The following ADARB2 variants were observed in gnomAD, a reference collection of about 807,000 sequenced individuals.
ADARB2 encodes inactive double-stranded RNA-specific editase B2.
A neutral mutation model predicts 62.2 loss-of-function variants in ADARB2; 25 were observed. The observed-to-expected ratio is 0.40, with a 90% CI of 0.29 to 0.56. The LOEUF (loss-of-function observed/expected upper bound fraction) is 0.56, where lower values mean the gene tolerates loss of function less well. ADARB2 is among the 20% of genes least tolerant of loss of function. The pLI, the probability that ADARB2 is intolerant of heterozygous loss-of-function variation, is 0.43. For missense variants in ADARB2, 1,071 were observed against 1,077.4 expected, an observed-to-expected ratio of 0.99 and a Z score of 0.08; for synonymous variants, 572 against 500.8, an observed-to-expected ratio of 1.14 and a Z score of -1.90.
intron 1 of ADARB2, among the ~76,000 whole-genome samples, chr10:1,488,224 AG>A (rs201665494): frequency 3.7e-5 from 5 of 135,288 alleles, no homozygotes; most frequent in Admixed American, 7.1e-5. Flanking sequence ...GATTTGGCAA[AG>A]AAAAAAAAAA....
chr10:1,220,207 GTGGTGATGA>G lies in ADARB2; in HGVS notation c.1514-3097_1514-3089del, dbSNP rs1830678320. 2.0e-5 allele frequency among the ~76,000 whole-genome samples: 3 copies of G among 147,210 alleles called. No individual in the cohort carries two copies. The South Asian group carries it at 6.7e-4, about 33-fold the overall frequency. ...GGTGGTGATGATGATGATGGTAATG[GTGGTGATGA>G]TGGTGATGGTGATGATGGTGGTGAT... On this transcript the variant is annotated intron_variant, in intron 6 of 9. Transcript: ENST00000381312.
chr10:1,403,826 C>T (rs909576829), intron 1 of ADARB2, among the ~76,000 whole-genome samples: 1 of 152,238 alleles, frequency 6.6e-6, no homozygotes, highest in African/African-American at 2.4e-5. Context: ...TGCTTTCATT[C>T]ATCATTGTAG....
chr10:1,487,878 A>C (rs534462463), intron 1 of ADARB2, among the ~76,000 whole-genome samples: 1 of 151,922 alleles, frequency 6.6e-6, no homozygotes, highest in Admixed American at 6.6e-5. Context: ...AGAGCTTGGC[A>C]TGATTCCACA....
chr10:1,736,624 G>T (rs992792100), intron 1 of ADARB2, among the ~76,000 whole-genome samples: 7 of 152,240 alleles, frequency 4.6e-5, no homozygotes, highest in African/African-American at 7.2e-5. Context: ...CTTCCTCCGG[G>T]ACAGTTTGGA....
intron 1 of ADARB2, among the ~76,000 whole-genome samples, chr10:1,632,911 A>G (rs1400633702): frequency 6.6e-6 from 1 of 152,182 alleles, no homozygotes; most frequent in African/African-American, 2.4e-5. Context: ...AGAGACCAGC[A>G]TTTGAAATGG....
chr10:1,469,005 C>T (rs1475073835), intron 1 of ADARB2, among the ~76,000 whole-genome samples: 1 of 152,218 alleles, frequency 6.6e-6, no homozygotes, highest in African/African-American at 2.4e-5. Context: ...CCCCTGATTG[C>T]TACCACGTGT....
chr10:1,313,160 C>T (rs550349168), intron 3 of ADARB2, among the ~76,000 whole-genome samples: 1 of 152,104 alleles, frequency 6.6e-6, no homozygotes, highest in East Asian at 1.9e-4. Flanking sequence ...CAGGTGAGTC[C>T]AGGGTCTCAG....
intron 1 of ADARB2, among the ~76,000 whole-genome samples, chr10:1,609,549 G>C (rs981489427): frequency 6.6e-6 from 1 of 152,218 alleles, no homozygotes; most frequent in African/African-American, 2.4e-5. Context: ...AGAAACCTTC[G>C]GTCCTAAGCC....
intron 7 of ADARB2, chr10:1,215,989 C>CG (rs1332059849): frequency 1.3e-5 from 2 of 150,152 alleles, no homozygotes; most frequent in Non-Finnish European, 3.0e-5. Context: ...ATCAGAGCAA[C>CG]GTGGGGGAGG....
At chr10:1,732,554 G>A (rs187052677) in intron 1 of ADARB2, among the ~76,000 whole-genome samples, 1 of 152,236 alleles carries the variant, frequency 6.6e-6, no homozygotes, top group Non-Finnish European at 1.5e-5. Flanking sequence ...AGAGAAAGGG[G>A]GAAAAAAAGC....
intron 4 of ADARB2, among the ~76,000 whole-genome samples, chr10:1,248,604 G>A (rs1831009235): frequency 6.6e-6 from 1 of 152,230 alleles, no homozygotes; most frequent in African/African-American, 2.4e-5. Flanking sequence ...GCCCAGGATG[G>A]GGCGGCTGTG....
At chr10:1,410,945 C>T (rs1157777803) in intron 1 of ADARB2, among the ~76,000 whole-genome samples, 1 of 152,240 alleles carries the variant, frequency 6.6e-6, no homozygotes, top group Non-Finnish European at 1.5e-5. Flanking sequence ...CCCTGTCCTC[C>T]TGGAGGCGAA....
At chr10:1,209,853 A>G (rs1457337907) in intron 7 of ADARB2, among the ~76,000 whole-genome samples, 7 of 152,220 alleles carry the variant, frequency 4.6e-5, no homozygotes, top group African/African-American at 1.4e-4. Context: ...GGGACATCAG[A>G]TGATGTGTAA....
rs117041223 is a variant in ADARB2 at position 1,518,235 on chromosome 10, G to C, written c.101-139075C>G. Among the ~76,000 whole-genome samples, 376 of 152,282 alleles carry C rather than the reference G, an allele frequency of 2.5e-3. 10 individuals carry two copies. The East Asian group carries it at 0.062, about 25-fold the overall frequency. ...TCTCAGCCCTCTAAGTAGAAGCAGT[G>C]AAGTCAGAAAAAGTGAACTCAGAGC... is the stretch of plus-strand genomic sequence containing the variant. On this transcript the variant is annotated intron_variant, in intron 1 of 9. Coordinates refer to ENST00000381312, the MANE Select transcript of ADARB2 (RefSeq NM_018702.4).
At chr10:1,533,902 T>G (rs1415711660) in intron 1 of ADARB2, among the ~76,000 whole-genome samples, 1 of 152,122 alleles carries the variant, frequency 6.6e-6, no homozygotes, top group African/African-American at 2.4e-5. Flanking sequence ...CTAGAAGTGG[T>G]TTTTAACGTA....
At chr10:1,205,177 G>T (rs924144428) in intron 7 of ADARB2, among the ~76,000 whole-genome samples, 1 of 152,346 alleles carries the variant, frequency 6.6e-6, no homozygotes, top group East Asian at 1.9e-4. Context: ...GCTGCCCGGG[G>T]GCTGCCTCGG....
At chr10:1,660,288 T>G (rs1826946244) in intron 1 of ADARB2, among the ~76,000 whole-genome samples, 1 of 152,162 alleles carries the variant, frequency 6.6e-6, no homozygotes, top group African/African-American at 2.4e-5. Context: ...AGCACTTGGG[T>G]GTTGTTTAGT....
intron 1 of ADARB2, 30 bp downstream of exon 1, chr10:1,737,021 G>A (rs775316841): frequency 6.2e-7 from 1 of 1,604,782 alleles, no homozygotes; most frequent in South Asian, 1.1e-5. Context: ...GTGAAGGGGG[G>A]CAGGGGCCGG....
intron 1 of ADARB2, among the ~76,000 whole-genome samples, chr10:1,725,564 GC>G (rs569448959): frequency 6.6e-6 from 1 of 151,900 alleles, no homozygotes; most frequent in Non-Finnish European, 1.5e-5. Flanking sequence ...AGCAGGGAAA[GC>G]CCCCCACCAC....
Sources: gnomAD v4.1 joint callset for allele counts (sites outside exome capture counted in the v4.1 genomes callset) on GRCh38, gnomAD v4.1.1 for gene constraint, MANE v1.5 for transcripts, NCBI Gene and HGNC (gene_info 2026-07-23, HGNC 2026-07-21) for gene names.